CCNDBP1: variants seen among roughly 807,000 people sequenced by gnomAD.
The protein encoded by CCNDBP1 is cyclin D1 binding protein 1, also known as cyclin-D1-binding protein 1.
In CCNDBP1, 45 loss-of-function variants were observed where a neutral mutation model predicts 46.2. The ratio of observed to expected loss-of-function variants is 0.97; its 90% confidence interval spans 0.77 to 1.25. The LOEUF (loss-of-function observed/expected upper bound fraction) is 1.25, where lower values mean the gene tolerates loss of function less well. CCNDBP1 is among the 50% of genes most tolerant of loss of function. CCNDBP1 has a pLI of 0.00. For synonymous variants in CCNDBP1, 154 were observed against 163.6 expected (o/e 0.94, Z 0.45); for missense variants, 436 against 442.1 (o/e 0.99, Z 0.12).
rs763376168 is a variant in CCNDBP1, at chr15:43,194,417, T to C, written c.924T>C (p.Ser308=). The change falls in exon 10 of 11, where the codon TCT becomes TCC. Residue 308 remains serine, a splice_region_variant and synonymous_variant. Coordinates refer to ENST00000300213, the MANE Select transcript of CCNDBP1 (RefSeq NM_012142.5). ...TAACTTCTGTGTTTCTTTTCTAGTC[T>C]GCGAAACTTGTATCTGTTTTAAAGA... ...PMCHLTVRIN[S]AKLVSVLKKA... 3 of 1,605,006 alleles carry C rather than the reference T, an allele frequency of 1.9e-6. No individual in the cohort carries two copies. In the Admixed American group the frequency reaches 5.3e-5, roughly 28 times the overall value.
chr15:43,186,275 A>T (rs1188981773), intron 3 of CCNDBP1, 42 bp downstream of exon 3: 1 of 1,482,674 alleles, frequency 6.7e-7, no homozygotes, highest in Non-Finnish European at 9.4e-7. Context: ...GCCGAGTTAC[A>T]CCTTAGGAAT....
At chr15:43,191,342 CCTTTTTTTT>C in intron 7 of CCNDBP1, 44 bp from the exon 8 acceptor site, 2 of 1,109,196 alleles carry the variant, frequency 1.8e-6, no homozygotes, top group African/African-American at 2.0e-5. Context: ...ATAGGCCTCG[CCTTTTTTTT>C]TTTTTTTTTT....
At position 43,185,569 on chromosome 15, in the gene CCNDBP1, T is replaced by C. The variant is rs1286552423; in HGVS notation, c.71T>C (p.Leu24Ser). The change falls in exon 1 of 11, where the codon TTG (leucine) becomes TCG (serine). Residue 24 changes from leucine to serine, a missense_variant. By Grantham distance (145) the Leu-to-Ser change is moderately radical. Coordinates refer to ENST00000300213, the MANE Select transcript of CCNDBP1 (RefSeq NM_012142.5). The part of the protein sequence containing the change: ...LASPLEQLRH[L>S]AEELRLLLPR... ...TCGCCTTTGGAGCAGCTCCGGCACT[T>C]GGCGGAGGAGCTGCGGTTGCTCCTG... 1 of 1,553,112 alleles carries C rather than the reference T, an allele frequency of 6.4e-7. No homozygotes were observed. The highest frequency in any genetic ancestry group is 8.7e-7 in the Non-Finnish European group (1 of 1,148,804).
Position 43,185,428 on chromosome 15 carries a change from G to T in CCNDBP1, c.-71G>T. ...CTTGACGCTGTGGCCCGGAAGTGGA[G>T]CGGCTGTCGCAGTGCGGCTCCGGCA... On this transcript the variant is annotated 5_prime_UTR_variant, in exon 1 of 11. Coordinates refer to ENST00000300213, the MANE Select transcript of CCNDBP1 (RefSeq NM_012142.5). 1.7e-6 allele frequency: 2 copies of T among 1,192,230 alleles called. No homozygotes were observed. Among genetic ancestry groups the T allele is most frequent in the Non-Finnish European group, 2.4e-6 (2 of 832,406 alleles). The allele number at this position is 1,192,230 out of a possible 1,614,324, so 73.9% of individuals were successfully genotyped here. A position where few individuals can be genotyped will look rare whatever the true frequency, so the allele number is the denominator to read the frequency against.
chr15:43,192,000 T>G (rs893404613), intron 8 of CCNDBP1, among the ~76,000 whole-genome samples: 1 of 152,226 alleles, frequency 6.6e-6, no homozygotes, highest in Non-Finnish European at 1.5e-5. Flanking sequence ...ATTCCTACTC[T>G]TATTATCACA....
In CCNDBP1 at chr15:43,185,448, C is replaced by G. The variant is rs1270122932; in HGVS notation, c.-51C>G. The G allele has an allele frequency of 7.1e-7, 1 of 1,403,624 alleles. No individual in the cohort carries two copies. Among genetic ancestry groups the G allele is most frequent in the Non-Finnish European group, 9.8e-7 (1 of 1,022,216 alleles). 86.9% of individuals were successfully genotyped at this position (1,403,624 alleles called of 1,614,324 possible). On this transcript the variant is annotated 5_prime_UTR_variant, in exon 1 of 11. Coordinates refer to ENST00000300213, the MANE Select transcript of CCNDBP1 (RefSeq NM_012142.5). ...GTGGAGCGGCTGTCGCAGTGCGGCT[C>G]CGGCAGTGGCAGCGGAGGCCTGTGT...
intron 4 of CCNDBP1, 72 bp from the exon 5 acceptor site, chr15:43,189,983 C>A: frequency 7.6e-7 from 1 of 1,312,614 alleles, no homozygotes; most frequent in Non-Finnish European, 1.1e-6. Flanking sequence ...TTCTGTAATG[C>A]TTAGACTCAG....
At position 43,185,607 on chromosome 15, in the gene CCNDBP1, G is replaced by A. The variant is rs1422288157; in HGVS notation, c.109G>A (p.Val37Ile). Reference sequence around the variant, plus strand: ...GCGGTTGCTCCTGCCTCGAGTGCGGGGTGAGCTGACGGAGTTAGAACGGGC... The same window carrying A: ...GCGGTTGCTCCTGCCTCGAGTGCGGAGTGAGCTGACGGAGTTAGAACGGGC... ...ELRLLLPRVR[V>I]GEAQETTEEF... The change falls in exon 1 of 11, where the codon GTC becomes ATC. Residue 37 changes from valine (V) to isoleucine (I), a missense_variant and splice_region_variant. Transcript: ENST00000300213. The A allele has an allele frequency of 7.7e-6, 12 of 1,556,182 alleles. No homozygotes were observed. Among genetic ancestry groups the A allele is most frequent in the Non-Finnish European group, 1.0e-5 (12 of 1,152,836 alleles).
rs753860552 is a variant in CCNDBP1, at chr15:43,191,388, G to A, written c.580-7G>A. The A allele has an allele frequency of 3.7e-5, 31 of 837,648 alleles. No homozygotes were observed. In the Middle Eastern group the frequency reaches 2.4e-3, roughly 64 times the overall value. 51.9% of individuals were successfully genotyped at this position (837,648 alleles called of 1,614,324 possible). On this transcript the variant is annotated splice_region_variant and splice_polypyrimidine_tract_variant and intron_variant, in intron 7 of 10. Coordinates refer to ENST00000300213, the MANE Select transcript of CCNDBP1 (RefSeq NM_012142.5). ...TTTGCATTCACATACATCATGGTAT[G>A]TCTTAGGCTGTGGAAGAATGTGACC...
intron 10 of CCNDBP1, 25 bp from the exon 11 acceptor site, chr15:43,194,702 T>C: frequency 6.6e-7 from 1 of 1,524,146 alleles, no homozygotes; most frequent in Non-Finnish European, 9.1e-7. Flanking sequence ...AAGTTTAACT[T>C]ACTTCTTTCC....
intron 9 of CCNDBP1, chr15:43,193,010 C>A: frequency 1.8e-6 from 1 of 567,718 alleles, no homozygotes; most frequent in Non-Finnish European, 3.2e-6. Flanking sequence ...TGGTAGTTCT[C>A]TCTTCCATAA....
chr15:43,185,933 C>G lies in CCNDBP1; in HGVS notation c.169+54C>G, dbSNP rs2041817654. ...TGCCTCAGTTCCTCCAGCGTCCCGA[C>G]CCCTTTTCCTCCCGCTGTCCCCCAC... On this transcript the variant is annotated intron_variant, in intron 2 of 10. Coordinates refer to ENST00000300213, the MANE Select transcript of CCNDBP1 (RefSeq NM_012142.5). 3.2e-6 allele frequency: 5 copies of G among 1,538,824 alleles called. No individual in the cohort carries two copies. The Admixed American group carries it at 8.9e-5, about 27-fold the overall frequency.
At position 43,185,429 on chromosome 15, in the gene CCNDBP1, C is replaced by A; in HGVS notation, c.-70C>A. On this transcript the variant is annotated 5_prime_UTR_variant, in exon 1 of 11. Transcript: ENST00000300213. ...TTGACGCTGTGGCCCGGAAGTGGAG[C>A]GGCTGTCGCAGTGCGGCTCCGGCAG... is the stretch of plus-strand genomic sequence containing the variant. 8.4e-7 allele frequency: 1 copy of A among 1,192,466 alleles called. No homozygotes were observed. The allele number at this position is 1,192,466 out of a possible 1,614,324, so 73.9% of individuals were successfully genotyped here. A position where few individuals can be genotyped will look rare whatever the true frequency, so the allele number is the denominator to read the frequency against.
At chr15:43,194,542 A>AC in intron 10 of CCNDBP1, 81 bp downstream of exon 10, 1 of 1,192,598 alleles carries the variant, frequency 8.4e-7, no homozygotes, top group Non-Finnish European at 1.2e-6. Context: ...CCTAGCTCCC[A>AC]TTTCAAGGAG....
intron 1 of CCNDBP1, 103 bp downstream of exon 1, chr15:43,185,710 G>A: frequency 2.1e-6 from 3 of 1,427,598 alleles, no homozygotes; most frequent in Non-Finnish European, 2.8e-6. Context: ...GTCGCGGAGA[G>A]GGCGGGCTGG....
chr15:43,190,488 TTA>T, intron 6 of CCNDBP1, 90 bp downstream of exon 6: 1 of 900,804 alleles, frequency 1.1e-6, no homozygotes, highest in Non-Finnish European at 1.8e-6. Flanking sequence ...GTATTTGAAT[TTA>T]TATAAACAGT....
At position 43,185,517 on chromosome 15, in the gene CCNDBP1, C is replaced by G. The variant is rs2041789294; in HGVS notation, c.19C>G (p.Pro7Ala). MASATA[P>A]AAAVPTLASP... The stretch of plus-strand genomic sequence containing the variant: ...GACTGAGATGGCGAGCGCAACTGCA[C>G]CTGCAGCCGCAGTCCCCACCCTGGC... Residue 7 changes from proline (P) to alanine (A), a missense_variant, in exon 1 of 11, where the codon CCT becomes GCT. Physicochemically the swap from Pro to Ala is conservative, Grantham distance 27. Coordinates refer to ENST00000300213, the MANE Select transcript of CCNDBP1 (RefSeq NM_012142.5). 1 of 1,594,570 alleles carries G rather than the reference C, an allele frequency of 6.3e-7. No homozygotes were observed. Among genetic ancestry groups the G allele is most frequent in the Non-Finnish European group, 8.5e-7 (1 of 1,173,588 alleles).
intron 4 of CCNDBP1, 129 bp downstream of exon 4, chr15:43,189,409 T>C (rs1470918915): frequency 1.8e-6 from 1 of 565,652 alleles, no homozygotes; most frequent in African/African-American, 1.9e-5. Context: ...AAGGATAATT[T>C]TGTAATGTAA....
rs1399360904 is a variant in CCNDBP1, at chr15:43,190,494, A to G, written c.502+96A>G. 13 of 845,426 alleles carry G rather than the reference A, an allele frequency of 1.5e-5. No homozygotes were observed. In the Admixed American group the frequency reaches 2.6e-4, roughly 17 times the overall value. The allele number at this position is 845,426 out of a possible 1,614,324, so 52.4% of individuals were successfully genotyped here. ...TTGTAACATGTATTTGAATTTATAT[A>G]AACAGTCTAGTGAAATATATATATT... On this transcript the variant is annotated intron_variant, in intron 6 of 10. Coordinates refer to ENST00000300213, the MANE Select transcript of CCNDBP1 (RefSeq NM_012142.5).
Sources: gnomAD v4.1 joint callset for allele counts (sites outside exome capture counted in the v4.1 genomes callset) on GRCh38, gnomAD v4.1.1 for gene constraint, MANE v1.5 for transcripts, NCBI Gene and HGNC (gene_info 2026-07-23, HGNC 2026-07-21) for gene names.